The following OPRM1 variants were observed in gnomAD, a reference collection of about 807,000 sequenced individuals.
OPRM1 encodes opioid receptor mu 1.
In OPRM1, 27 loss-of-function variants were observed where a neutral mutation model predicts 31.8. That is an observed-to-expected ratio of 0.85 (90% CI 0.63 to 1.17). The LOEUF (loss-of-function observed/expected upper bound fraction) is 1.17. Ranked by LOEUF, OPRM1 falls within the 50% of genes most tolerant of loss-of-function variation. The probability of loss-of-function intolerance (pLI) is 0.00; values close to 1 mark genes in which losing one functional copy is unlikely to be tolerated. For missense variants in OPRM1, 536 were observed against 511.1 expected (o/e 1.05, Z -0.47); for synonymous variants, 196 against 189.9 (o/e 1.03, Z -0.26).
intron 3 of OPRM1, among the ~76,000 whole-genome samples, chr6:154,189,685 C>T (rs550509513): frequency 2.0e-5 from 3 of 152,184 alleles, no homozygotes; most frequent in East Asian, 3.9e-4. Context: ...AACATCACAC[C>T]GGGCCAGGCG....
At chr6:154,212,329 C>A (rs1778027408) in intron 3 of OPRM1, among the ~76,000 whole-genome samples, 1 of 152,198 alleles carries the variant, frequency 6.6e-6, no homozygotes, top group South Asian at 2.1e-4. Context: ...TAACCCCACT[C>A]CTGACTTCCT....
intron 3 of OPRM1, among the ~76,000 whole-genome samples, chr6:154,231,108 C>G (rs1441173408): frequency 1.3e-5 from 2 of 152,224 alleles, no homozygotes; most frequent in African/African-American, 4.8e-5. Flanking sequence ...CTGAGCTGAG[C>G]TGCCCATTCT....
intron 1 of OPRM1, among the ~76,000 whole-genome samples, chr6:154,030,044 T>C (rs1340306866): frequency 6.9e-6 from 1 of 145,726 alleles, no homozygotes; most frequent in Non-Finnish European, 1.5e-5. Flanking sequence ...GTGAGTCCTC[T>C]TTCCTTTAAA....
chr6:154,039,202 C>G, upstream of OPRM1: 1 of 1,551,736 alleles, frequency 6.4e-7, no homozygotes, highest in Non-Finnish European at 8.7e-7. Context: ...AGACCTACTC[C>G]TTGGATCGCT....
intron 3 of OPRM1, among the ~76,000 whole-genome samples, chr6:154,116,445 C>T (rs1386689137): frequency 1.3e-5 from 2 of 151,860 alleles, no homozygotes; most frequent in African/African-American, 4.8e-5. Flanking sequence ...ATTAGCTGGG[C>T]GTGGTGGCAC....
At chr6:154,186,681 C>G (rs971987400) in intron 3 of OPRM1, among the ~76,000 whole-genome samples, 2 of 152,160 alleles carry the variant, frequency 1.3e-5, no homozygotes, top group South Asian at 2.1e-4. Flanking sequence ...CTCAGCCTCC[C>G]GAGTAGCTGG....
chr6:154,077,533 C>A (rs1466584059), intron 1 of OPRM1, among the ~76,000 whole-genome samples: 2 of 151,604 alleles, frequency 1.3e-5, no homozygotes, highest in Non-Finnish European at 1.5e-5. Flanking sequence ...GAGTTCAAGA[C>A]CAGCCTGGCC....
At chr6:154,199,832 A>C in intron 3 of OPRM1, 1 of 1,614,230 alleles carries the variant, frequency 6.2e-7, no homozygotes, top group Non-Finnish European at 8.5e-7. Flanking sequence ...CTCTGAGGGT[A>C]CAGGTGAATG....
rs752656797 is a variant in OPRM1 at position 154,089,899 on chromosome 6, A to T, written c.364A>T (p.Thr122Ser). The part of the protein sequence containing the change: ...LALADALATS[T>S]LPFQSVNYLM... Reference sequence around the variant, plus strand: ...TCTGGCAGATGCCTTAGCCACCAGTACCCTGCCCTTCCAGAGTGTGAATTA... The same window carrying T: ...TCTGGCAGATGCCTTAGCCACCAGTTCCCTGCCCTTCCAGAGTGTGAATTA... The change falls in exon 2 of 4, where the codon ACC (threonine) becomes TCC (serine). Residue 122 changes from threonine to serine, a missense_variant. Coordinates refer to ENST00000330432, the MANE Select transcript of OPRM1 (RefSeq NM_000914.5). 6.2e-6 allele frequency: 10 copies of T among 1,614,012 alleles called. No homozygotes were observed. In the African/African-American group the frequency reaches 1.3e-4, roughly 22 times the overall value.
chr6:154,034,229 C>T (rs1779164065), upstream of OPRM1, among the ~76,000 whole-genome samples: 1 of 152,158 alleles, frequency 6.6e-6, no homozygotes, highest in African/African-American at 2.4e-5. Context: ...CCACTTTTTC[C>T]GTGGATCACT....
intron 2 of OPRM1, 37 bp downstream of exon 2, chr6:154,090,215 A>T: frequency 2.9e-6 from 4 of 1,376,470 alleles, no homozygotes; most frequent in Non-Finnish European, 3.1e-6. Flanking sequence ...AGGAGGGTTC[A>T]CAGCCTGATA....
intron 3 of OPRM1, among the ~76,000 whole-genome samples, chr6:154,148,600 T>C (rs775764945): frequency 6.6e-6 from 1 of 152,182 alleles, no homozygotes; most frequent in Non-Finnish European, 1.5e-5. Context: ...CTGGTAGGTA[T>C]TTTCATTCAA....
chr6:154,155,239 G>T (rs572675682), intron 3 of OPRM1: 1 of 152,118 alleles, frequency 6.6e-6, no homozygotes, highest in African/African-American at 2.4e-5. Context: ...ATTTCATACA[G>T]GCTGCAAACA....
In OPRM1 at chr6:154,122,276, A is replaced by C. The variant is rs1797350009; in HGVS notation, c.*3555A>C. Among the ~76,000 whole-genome samples the C allele has an allele frequency of 6.6e-6, 1 of 152,222 alleles. No individual in the cohort carries two copies. Among genetic ancestry groups the C allele is most frequent in the Admixed American group, 6.5e-5 (1 of 15,272 alleles). ...CAGCAGAAAATTGGTTTCTCAAGGA[A>C]TCCCTACTGCCCTTGTAGAAACATC... On this transcript the variant is annotated 3_prime_UTR_variant, in exon 4 of 4. Coordinates refer to ENST00000330432, the MANE Select transcript of OPRM1 (RefSeq NM_000914.5).
At chr6:154,232,833 TA>T (rs1251423814) in intron 3 of OPRM1, among the ~76,000 whole-genome samples, 6 of 152,252 alleles carry the variant, frequency 3.9e-5, no homozygotes, top group Non-Finnish European at 8.8e-5. Context: ...TGTAATAATG[TA>T]AAATTTGTTA....
chr6:154,214,444 A>C (rs9478526), intron 3 of OPRM1: 40,607 of 636,696 alleles, frequency 0.064, 1,687 homozygotes, highest in African/African-American at 0.14. Context: ...CTGGTTTCAC[A>C]ATACTTTCCA....
intron 3 of OPRM1, among the ~76,000 whole-genome samples, chr6:154,237,410 C>A (rs747232121): frequency 7.2e-5 from 11 of 152,188 alleles, no homozygotes; most frequent in Non-Finnish European, 8.8e-5. Context: ...CTTTCTTACA[C>A]AGGACAGATC....
At chr6:154,092,448 A>G (rs1792486971) in intron 3 of OPRM1, among the ~76,000 whole-genome samples, 1 of 152,188 alleles carries the variant, frequency 6.6e-6, no homozygotes, top group Non-Finnish European at 1.5e-5. Flanking sequence ...AGTGAATTCA[A>G]ATTCAAACTT....
intron 3 of OPRM1, among the ~76,000 whole-genome samples, chr6:154,190,790 C>T (rs1369456536): frequency 6.6e-6 from 1 of 152,168 alleles, no homozygotes; most frequent in Non-Finnish European, 1.5e-5. Flanking sequence ...GAATAACAAA[C>T]TGTGATGCAT....
Sources: allele counts gnomAD v4.1 joint callset (sites outside exome capture counted in the v4.1 genomes callset), GRCh38; gene constraint gnomAD v4.1.1; transcripts MANE v1.5; gene names NCBI Gene and HGNC (gene_info 2026-07-23, HGNC 2026-07-21).